Variants in MICAL3 observed in about 807,000 individuals in gnomAD.
MICAL3 encodes microtubule associated monooxygenase, calponin and LIM domain containing 3, also known as [F-actin]-monooxygenase MICAL3.
In MICAL3, 62 loss-of-function variants were observed where a neutral mutation model predicts 207.4. The ratio of observed to expected loss-of-function variants is 0.30; its 90% CI spans 0.24 to 0.37. MICAL3 has a LOEUF of 0.37. MICAL3 is among the 10% of genes least tolerant of loss of function. The probability of loss-of-function intolerance (pLI) is 1.00; values close to 1 mark genes in which losing one functional copy is unlikely to be tolerated. For missense variants in MICAL3, 2,368 were observed against 2,635.6 expected, an observed-to-expected ratio of 0.90 and a Z score of 2.22; for synonymous variants, 1,077 against 1,069.3, an observed-to-expected ratio of 1.01 and a Z score of -0.14.
intron 1 of MICAL3, among the ~76,000 whole-genome samples, chr22:17,967,059 G>A (rs117223275): frequency 1.3e-5 from 2 of 152,314 alleles, no homozygotes; most frequent in East Asian, 3.9e-4. Flanking sequence ...AAGGGTAGGT[G>A]AGACAGAGGT....
intron 19 of MICAL3, among the ~76,000 whole-genome samples, chr22:17,852,564 C>T (rs1366854497): frequency 3.3e-5 from 5 of 152,188 alleles, no homozygotes; most frequent in Admixed American, 6.5e-5. Context: ...TGAGCAGCTG[C>T]GGGTCTATCA....
At position 17,841,972 on chromosome 22, in the gene MICAL3, A is replaced by AC; in HGVS notation, c.2650_2651insG (p.Leu884ArgfsTer21). The AC allele has an allele frequency of 6.2e-7, 1 of 1,606,826 alleles. No homozygotes were observed. The highest frequency in any genetic ancestry group is 8.5e-7 in the Non-Finnish European group (1 of 1,179,384). On this transcript the variant is annotated frameshift_variant, in exon 20 of 32. Transcript: ENST00000441493. LOFTEE classifies it high-confidence loss of function. The surrounding 1 kb of genome is among the most constrained non-coding windows in gnomAD (Gnocchi z 4.2). ...CTCGATCCGCTCTGGGGTGCCCCTCAGTCGCTTGGCGATGCTGGGCTCCTC... is the reference window on the plus strand; with the variant it reads ...CTCGATCCGCTCTGGGGTGCCCCTCACGTCGCTTGGCGATGCTGGGCTCCTC...
At chr22:17,832,597 G>A (rs1457539162) in intron 20 of MICAL3, among the ~76,000 whole-genome samples, 2 of 152,238 alleles carry the variant, frequency 1.3e-5, no homozygotes, top group Non-Finnish European at 2.9e-5. Flanking sequence ...AAGCAGGGCA[G>A]TGGACTCATT....
At chr22:17,898,826 G>A (rs1931089187) in intron 7 of MICAL3, among the ~76,000 whole-genome samples, 1 of 152,190 alleles carries the variant, frequency 6.6e-6, no homozygotes, top group Non-Finnish European at 1.5e-5. Flanking sequence ...GCTGGACCTG[G>A]CTATGATGGA....
rs113818019 is a variant in MICAL3, at chr22:17,824,383, C to T, written c.3194-1323G>A. ...CCGGTTAGGTGGATTTCTTAAAAAG[C>T]CATGTGGAAATGGGAGGGCGCAGCC... On this transcript the variant is annotated intron_variant, in intron 22 of 31. Transcript: ENST00000441493. Among the ~76,000 whole-genome samples, 395 of 152,324 alleles carry T rather than the reference C, an allele frequency of 2.6e-3. 2 individuals are homozygous for T. Among genetic ancestry groups the T allele is most frequent in the African/African-American group, 9.1e-3 (379 of 41,564 alleles).
At chr22:17,861,388 T>TA in intron 19 of MICAL3, 23 of 985,482 alleles carry the variant, frequency 2.3e-5, no homozygotes, top group Non-Finnish European at 2.8e-5. Context: ...GACAGGAAAC[T>TA]AACGTGCTTC....
At chr22:18,019,752 C>T (rs1399589616) in intron 1 of MICAL3, 1 of 215,696 alleles carries the variant, frequency 4.6e-6, no homozygotes, top group East Asian at 1.2e-4. Context: ...TTGGCAGAAT[C>T]TTGGAATGCG....
chr22:17,999,235 G>C (rs1922657236), intron 1 of MICAL3, among the ~76,000 whole-genome samples: 1 of 152,312 alleles, frequency 6.6e-6, no homozygotes, highest in Non-Finnish European at 1.5e-5. Context: ...CTTCTGTACT[G>C]AATGGTGTAC....
rs891031411 is a variant in MICAL3, at chr22:17,895,200, A to G, written c.1449+84T>C. ...AAGTATCCTTGTATGTGTGGTATTA[A>G]TAGGTGCACGCATCTCAACAGATCA... On this transcript the variant is annotated intron_variant, in intron 10 of 31. Coordinates refer to ENST00000441493, the MANE Select transcript of MICAL3 (RefSeq NM_015241.3). 78 of 1,382,448 alleles carry G rather than the reference A, an allele frequency of 5.6e-5. No homozygotes were observed. In the African/African-American group the frequency reaches 1.0e-3, roughly 19 times the overall value. The allele number at this position is 1,382,448 out of a possible 1,614,324, so 85.6% of individuals were successfully genotyped here.
At chr22:17,835,962 C>T (rs1602011547) in intron 20 of MICAL3, among the ~76,000 whole-genome samples, 1 of 152,218 alleles carries the variant, frequency 6.6e-6, no homozygotes, top group South Asian at 2.1e-4. Context: ...TCAGAGGTTG[C>T]ACCCCGACTG....
chr22:17,827,521 G>A (rs1470641018), intron 22 of MICAL3, 123 bp downstream of exon 22: 3 of 1,026,628 alleles, frequency 2.9e-6, no homozygotes, highest in Non-Finnish European at 4.1e-6. Flanking sequence ...AGCGGGATGC[G>A]CCTGGCTCCC....
intron 29 of MICAL3, among the ~76,000 whole-genome samples, chr22:17,799,204 GA>G (rs2061910954): frequency 6.6e-6 from 1 of 151,484 alleles, no homozygotes; most frequent in Non-Finnish European, 1.5e-5. Context: ...CCAACATGGT[GA>G]AACCCCGTCT....
At chr22:17,981,170 T>C (rs1569156115) in intron 1 of MICAL3, among the ~76,000 whole-genome samples, 1 of 152,150 alleles carries the variant, frequency 6.6e-6, no homozygotes, top group African/African-American at 2.4e-5. Context: ...CAGTAATAAA[T>C]ATATATCATA....
intron 16 of MICAL3, chr22:17,875,656 G>C: frequency 5.4e-6 from 2 of 369,384 alleles, no homozygotes; most frequent in Non-Finnish European, 9.6e-6. Context: ...TTTTACTCTA[G>C]ACCTTTATCT....
At chr22:17,939,931 C>T (rs367937238) in intron 1 of MICAL3, among the ~76,000 whole-genome samples, 4 of 152,120 alleles carry the variant, frequency 2.6e-5, no homozygotes, top group Non-Finnish European at 2.9e-5. Context: ...AGCCCTTTTC[C>T]GCAGGCACAG....
chr22:17,916,158 C>T (rs930657834), intron 1 of MICAL3, among the ~76,000 whole-genome samples: 29 of 151,962 alleles, frequency 1.9e-4, no homozygotes, highest in African/African-American at 4.1e-4. Flanking sequence ...GTTTCTCCAC[C>T]TTCTCGGCAT....
rs761910346 is a variant in MICAL3, at chr22:17,818,317, C to T, written c.4344G>A (p.Ser1448=). 17 of 1,570,758 alleles carry T rather than the reference C, an allele frequency of 1.1e-5. No individual in the cohort carries two copies. The Admixed American group carries it at 1.6e-4, about 15-fold the overall frequency. ...AGGGGGGCGTGAGCATGGCGGAGTC[C>T]GAGGTGTTGAAGCTCTGGCTGCCCA... ...KTLGSQSFNT[S]DSAMLTPPSS... Residue 1448 remains serine, a synonymous_variant, in exon 26 of 32, where the codon TCG becomes TCA. Coordinates refer to ENST00000441493, the MANE Select transcript of MICAL3 (RefSeq NM_015241.3).
intron 1 of MICAL3, among the ~76,000 whole-genome samples, chr22:17,971,302 T>A (rs1246713281): frequency 6.6e-6 from 1 of 152,228 alleles, no homozygotes; most frequent in East Asian, 1.9e-4. Context: ...ACCCCATCTC[T>A]ACTAAAATAC....
In MICAL3 at chr22:17,790,899, C is replaced by T. The variant is rs2145943749; in HGVS notation, c.5842G>A (p.Glu1948Lys). 3 of 1,613,844 alleles carry T rather than the reference C, an allele frequency of 1.9e-6. No homozygotes were observed. The East Asian group carries it at 6.7e-5, about 36-fold the overall frequency. Residue 1948 changes from glutamate to lysine, a missense_variant, in exon 32 of 32, where the codon GAG becomes AAG. Coordinates refer to ENST00000441493, the MANE Select transcript of MICAL3 (RefSeq NM_015241.3). ...ATCTGCTTCTCTTCTGACAGCTCCT[C>T]CTCAGTCTTAAGGTGATCTTGAAGG... is the stretch of plus-strand genomic sequence containing the variant. ...MAVEDHLKTE[E>K]ELSEEKQILN... is the part of the protein sequence containing the mutation.
Sources: allele counts gnomAD v4.1 joint callset (sites outside exome capture counted in the v4.1 genomes callset), GRCh38; gene constraint gnomAD v4.1.1; non-coding constraint Gnocchi (gnomAD v3.1); transcripts MANE v1.5; gene names NCBI Gene and HGNC (gene_info 2026-07-23, HGNC 2026-07-21).